RTCA: variants seen among roughly 807,000 people sequenced by gnomAD.
RTCA encodes the protein RNA 3'-terminal phosphate cyclase.
RTCA carries 37 observed loss-of-function variants against 46.1 expected under a neutral mutation model. The ratio of observed to expected loss-of-function variants is 0.80; its 90% CI spans 0.62 to 1.06. RTCA has a LOEUF of 1.06. Among genes scored for constraint, RTCA ranks in the 50% least tolerant of loss-of-function variants. RTCA has a pLI of 0.00. For synonymous variants in RTCA, 164 were observed against 158.3 expected, an observed-to-expected ratio of 1.04 and a Z score of -0.27; for missense variants, 435 against 455.5, an observed-to-expected ratio of 0.95 and a Z score of 0.41.
intron 8 of RTCA, among the ~76,000 whole-genome samples, chr1:100,282,155 C>T (rs1418472698): frequency 1.3e-5 from 2 of 152,144 alleles, no homozygotes; most frequent in Non-Finnish European, 2.9e-5. Context: ...TACTAATAAG[C>T]AAGATTCTCA....
intron 9 of RTCA, among the ~76,000 whole-genome samples, chr1:100,286,591 T>G (rs1667046575): frequency 6.6e-6 from 1 of 152,168 alleles, no homozygotes; most frequent in Non-Finnish European, 1.5e-5. Context: ...TACCATACTT[T>G]TGTCTCCTTA....
intron 3 of RTCA, among the ~76,000 whole-genome samples, chr1:100,268,551 A>G (rs965967746): frequency 2.0e-5 from 3 of 152,046 alleles, no homozygotes; most frequent in African/African-American, 7.2e-5. Context: ...ACACAGCACC[A>G]TGCCCCGCTA....
In RTCA at chr1:100,269,642, G is replaced by A. The variant is rs1394832751; in HGVS notation, c.291-915G>A. ...GCCACCACGCCCGGCCAAGCTGTGAGTGTTTGTTATTATTAAAATTAATAA... is the reference window on the plus strand; with the variant it reads ...GCCACCACGCCCGGCCAAGCTGTGAATGTTTGTTATTATTAAAATTAATAA... On this transcript the variant is annotated intron_variant, in intron 3 of 10. Transcript: ENST00000370128. Among the ~76,000 whole-genome samples the A allele has an allele frequency of 1.3e-5, 2 of 152,082 alleles. 1 individual carries two copies. The highest frequency in any genetic ancestry group is 4.2e-4 in the South Asian group (2 of 4,812).
At chr1:100,279,426 T>A (rs574359497) in intron 8 of RTCA, among the ~76,000 whole-genome samples, 5 of 152,188 alleles carry the variant, frequency 3.3e-5, no homozygotes, top group African/African-American at 1.2e-4. Flanking sequence ...TGTGGGTAAA[T>A]AGAAGTTAGC....
At chr1:100,278,955 C>CTG in intron 8 of RTCA, among the ~76,000 whole-genome samples, 1 of 152,218 alleles carries the variant, frequency 6.6e-6, no homozygotes, top group East Asian at 1.9e-4. Context: ...ACAAACTTTC[C>CTG]AGGTACTTTT....
intron 10 of RTCA, among the ~76,000 whole-genome samples, chr1:100,288,649 C>A (rs571418492): frequency 6.6e-6 from 1 of 151,936 alleles, no homozygotes; most frequent in South Asian, 2.1e-4. Context: ...CCTCAATCTC[C>A]CAAAGCGCTA....
chr1:100,272,327 A>G (rs1179684002), intron 4 of RTCA, among the ~76,000 whole-genome samples: 1 of 152,166 alleles, frequency 6.6e-6, no homozygotes, highest in Non-Finnish European at 1.5e-5. Flanking sequence ...GTGTGCCTAT[A>G]GTCCCAGCTA....
intron 3 of RTCA, among the ~76,000 whole-genome samples, chr1:100,269,297 C>T (rs1219383686): frequency 3.3e-5 from 5 of 151,770 alleles, no homozygotes; most frequent in African/African-American, 9.7e-5. Flanking sequence ...CTATAAGGAC[C>T]AAACAGGCAA....
At chr1:100,285,564 C>G (rs989953699) in intron 9 of RTCA, among the ~76,000 whole-genome samples, 1 of 152,108 alleles carries the variant, frequency 6.6e-6, no homozygotes, top group African/African-American at 2.4e-5. Context: ...TCCTTGGTTT[C>G]TGAAATACTG....
chr1:100,280,059 G>A (rs556575235), intron 8 of RTCA, among the ~76,000 whole-genome samples: 1 of 152,348 alleles, frequency 6.6e-6, no homozygotes, highest in East Asian at 1.9e-4. Context: ...GTAAGGGCCT[G>A]TGCCAAGGAA....
At chr1:100,281,994 C>T (rs937824564) in intron 8 of RTCA, among the ~76,000 whole-genome samples, 1 of 152,176 alleles carries the variant, frequency 6.6e-6, no homozygotes, top group African/African-American at 2.4e-5. Context: ...GCGTGAGCCA[C>T]CGTGCCGGCC....
chr1:100,272,088 G>A (rs1040061398), intron 4 of RTCA, among the ~76,000 whole-genome samples: 1 of 152,154 alleles, frequency 6.6e-6, no homozygotes, highest in African/African-American at 2.4e-5. Context: ...GCATTTGGGT[G>A]TTTCCAGATT....
chr1:100,280,515 TTGAC>T (rs555849916), intron 8 of RTCA, among the ~76,000 whole-genome samples: 1 of 152,196 alleles, frequency 6.6e-6, no homozygotes, highest in Non-Finnish European at 1.5e-5. Context: ...CCTGCTGAGA[TTGAC>T]TGACTCCTCC....
At position 100,266,218 on chromosome 1, in the gene RTCA, T is replaced by G. The variant is rs1035808589; in HGVS notation, c.-158T>G. The G allele has an allele frequency of 2.5e-6, 2 of 809,996 alleles. No individual in the cohort carries two copies. The highest frequency in any genetic ancestry group is 1.9e-6 in the Non-Finnish European group (1 of 525,882). 50.2% of individuals were successfully genotyped at this position (809,996 alleles called of 1,614,324 possible). ...GGGGGTTCGTTTCTGCTGACTCCAG[T>G]GTCCCGAGAGGCGCCGCTTCTTCCG... On this transcript the variant is annotated 5_prime_UTR_variant, in exon 1 of 11. Coordinates refer to ENST00000370128, the MANE Select transcript of RTCA (RefSeq NM_003729.4).
At chr1:100,268,037 A>T in intron 2 of RTCA, 115 bp from the exon 3 acceptor site, 1 of 1,439,236 alleles carries the variant, frequency 6.9e-7, no homozygotes, top group Non-Finnish European at 9.4e-7. Flanking sequence ...TGTGGCACTT[A>T]CTGTGGTTAG....
At chr1:100,273,184 A>C (rs1409542497) in intron 4 of RTCA, among the ~76,000 whole-genome samples, 1 of 152,204 alleles carries the variant, frequency 6.6e-6, no homozygotes, top group Non-Finnish European at 1.5e-5. Flanking sequence ...AGACTTGCAC[A>C]GCTCTGATTA....
chr1:100,291,646 G>T lies in RTCA; in HGVS notation c.*142G>T, dbSNP rs951195389. The T allele has an allele frequency of 1.6e-5, 8 of 486,240 alleles. No homozygotes were observed. Among genetic ancestry groups the T allele is most frequent in the Non-Finnish European group, 2.5e-5 (7 of 274,672 alleles). The allele number at this position is 486,240 out of a possible 1,614,324, so 30.1% of individuals were successfully genotyped here. A position where few individuals can be genotyped will look rare whatever the true frequency, so the allele number is the denominator to read the frequency against. On this transcript the variant is annotated 3_prime_UTR_variant, in exon 11 of 11. Transcript: ENST00000370128. The stretch of plus-strand genomic sequence containing the variant: ...ACAGTGTTCTAGGTTTGCTGAGAAG[G>T]CTTCATTAAATTAATCTCACTTTGA...
intron 2 of RTCA, chr1:100,267,317 C>T (rs1665838244): frequency 1.9e-6 from 1 of 534,518 alleles, no homozygotes; most frequent in Non-Finnish European, 3.0e-6. Context: ...TTTGAAATTA[C>T]CAAAAGGCAA....
chr1:100,291,102 A>G (rs1053117610), intron 10 of RTCA, among the ~76,000 whole-genome samples: 1 of 152,202 alleles, frequency 6.6e-6, no homozygotes, highest in African/African-American at 2.4e-5. Context: ...CAAAATTGTT[A>G]TTTGCCTAAG....
Sources: gnomAD v4.1 joint callset for allele counts (sites outside exome capture counted in the v4.1 genomes callset) on GRCh38, gnomAD v4.1.1 for gene constraint, MANE v1.5 for transcripts, NCBI Gene and HGNC (gene_info 2026-07-23, HGNC 2026-07-21) for gene names.